VWC2L: variants seen among roughly 807,000 people sequenced by gnomAD.
VWC2L encodes the protein von Willebrand factor C domain containing 2 like, also known as von Willebrand factor C domain-containing protein 2-like.
A neutral mutation model predicts 21.6 loss-of-function variants in VWC2L; 10 were observed. The ratio of observed to expected loss-of-function variants is 0.46; its 90% CI spans 0.29 to 0.78. VWC2L has a LOEUF of 0.78. Ranked by LOEUF, VWC2L falls within the 30% of genes least tolerant of loss-of-function variation. VWC2L has a pLI of 0.10. For missense variants in VWC2L, 209 were observed against 277.1 expected (o/e 0.75, Z 1.74); for synonymous variants, 96 against 94.3 (o/e 1.02, Z -0.10).
At chr2:214,485,574 C>G (rs1052616926) in intron 3 of VWC2L, among the ~76,000 whole-genome samples, 1 of 152,158 alleles carries the variant, frequency 6.6e-6, no homozygotes, top group Non-Finnish European at 1.5e-5. Context: ...TAGCTTAGGG[C>G]CCAGCACACA....
chr2:214,563,980 T>A (rs960166196), intron 3 of VWC2L, among the ~76,000 whole-genome samples: 1 of 152,006 alleles, frequency 6.6e-6, no homozygotes, highest in Admixed American at 6.6e-5. Context: ...GATGAACAAC[T>A]AAAATCAACG....
intron 3 of VWC2L, among the ~76,000 whole-genome samples, chr2:214,562,434 A>G (rs1689991387): frequency 6.6e-6 from 1 of 152,232 alleles, no homozygotes; most frequent in Admixed American, 6.5e-5. Context: ...TGCTATCGTG[A>G]ATAGTGCTGC....
intron 1 of VWC2L, among the ~76,000 whole-genome samples, chr2:214,413,576 T>A (rs550343117): frequency 1.5e-4 from 23 of 152,276 alleles, no homozygotes; most frequent in Middle Eastern, 6.8e-3. Context: ...TCTTTAATTA[T>A]GGGCATAAAT....
At chr2:214,548,711 G>A (rs1367421646) in intron 3 of VWC2L, among the ~76,000 whole-genome samples, 2 of 152,150 alleles carry the variant, frequency 1.3e-5, no homozygotes, top group Non-Finnish European at 2.9e-5. Flanking sequence ...CTCATGTTTA[G>A]GCTAGACCAA....
chr2:214,418,660 T>A (rs913021467), intron 2 of VWC2L, among the ~76,000 whole-genome samples: 9 of 152,198 alleles, frequency 5.9e-5, no homozygotes, highest in Non-Finnish European at 1.3e-4. Context: ...TTTAATACCT[T>A]TTTTGATGAA....
At chr2:214,568,289 GT>G (rs1386304697) in intron 3 of VWC2L, among the ~76,000 whole-genome samples, 2 of 152,026 alleles carry the variant, frequency 1.3e-5, no homozygotes, top group East Asian at 3.8e-4. Flanking sequence ...CTGTTAATTT[GT>G]TTTTGTGCAT....
chr2:214,428,804 C>G (rs1193097581), intron 2 of VWC2L, among the ~76,000 whole-genome samples: 1 of 114,652 alleles, frequency 8.7e-6, no homozygotes, highest in Non-Finnish European at 1.8e-5. Context: ...TCTTTGCACA[C>G]AGACAGTGGC....
At chr2:214,490,701 C>A (rs1413285588) in intron 3 of VWC2L, among the ~76,000 whole-genome samples, 1 of 152,026 alleles carries the variant, frequency 6.6e-6, no homozygotes, top group African/African-American at 2.4e-5. Context: ...GAAAGTAAAC[C>A]TGCAAATAAG....
intron 2 of VWC2L, 153 bp downstream of exon 2, chr2:214,414,736 GTCAACAAATGGCCAAC>G (rs1702329778): frequency 1.2e-6 from 1 of 804,262 alleles, no homozygotes; most frequent in African/African-American, 1.8e-5. Flanking sequence ...TAGCACCATG[GTCAACAAATGGCCAAC>G]TGGTTTGTTG....
chr2:214,489,009 T>G (rs1299605091), intron 3 of VWC2L, among the ~76,000 whole-genome samples: 3 of 152,218 alleles, frequency 2.0e-5, no homozygotes, highest in African/African-American at 7.2e-5. Flanking sequence ...AGCATGAGAT[T>G]TGATGGGGAC....
At chr2:214,467,532 T>A (rs983173089) in intron 3 of VWC2L, among the ~76,000 whole-genome samples, 4 of 152,230 alleles carry the variant, frequency 2.6e-5, no homozygotes, top group Non-Finnish European at 5.9e-5. Flanking sequence ...GTCACTGTCC[T>A]TCATTGCCTG....
chr2:214,506,352 T>C (rs1478247853), intron 3 of VWC2L, among the ~76,000 whole-genome samples: 1 of 152,166 alleles, frequency 6.6e-6, no homozygotes, highest in Non-Finnish European at 1.5e-5. Context: ...TGAACAATGC[T>C]AATGCCTAAT....
intron 2 of VWC2L, among the ~76,000 whole-genome samples, chr2:214,420,066 G>C (rs1467264575): frequency 6.6e-6 from 1 of 151,974 alleles, no homozygotes; most frequent in African/African-American, 2.4e-5. Flanking sequence ...TCCAAAAAAA[G>C]AAATAAGAAA....
chr2:214,476,161 ATCT>A (rs1305131863), intron 3 of VWC2L, among the ~76,000 whole-genome samples: 2 of 152,134 alleles, frequency 1.3e-5, no homozygotes, highest in African/African-American at 2.4e-5. Context: ...ACAGGAAGTA[ATCT>A]TCTGCTCAAT....
At chr2:214,437,096 T>A (rs1192847862) in intron 3 of VWC2L, among the ~76,000 whole-genome samples, 1 of 152,138 alleles carries the variant, frequency 6.6e-6, no homozygotes, top group Admixed American at 6.6e-5. Context: ...AATGAAGCAG[T>A]TCACCCCATT....
intron 2 of VWC2L, among the ~76,000 whole-genome samples, chr2:214,416,208 T>G (rs1702352278): frequency 6.6e-6 from 1 of 152,106 alleles, no homozygotes; most frequent in African/African-American, 2.4e-5. Flanking sequence ...AAATATTGTC[T>G]AACTTAACTC....
chr2:214,481,414 G>A (rs1211210975), intron 3 of VWC2L, among the ~76,000 whole-genome samples: 2 of 152,178 alleles, frequency 1.3e-5, no homozygotes, highest in Non-Finnish European at 2.9e-5. Flanking sequence ...TGGGATCTCA[G>A]ACTCGTGAAT....
At chr2:214,513,038 A>G (rs1007120690) in intron 3 of VWC2L, among the ~76,000 whole-genome samples, 24 of 152,140 alleles carry the variant, frequency 1.6e-4, no homozygotes, top group African/African-American at 5.6e-4. Context: ...AAGGCTGCAC[A>G]GCCCTGTTGA....
intron 3 of VWC2L, among the ~76,000 whole-genome samples, chr2:214,456,201 GTTA>G (rs144095810): frequency 0.13 from 19,561 of 152,034 alleles, 1,525 homozygotes; most frequent in Non-Finnish European, 0.17. Flanking sequence ...ACCAGCATCT[GTTA>G]TTTTTTTGTC....
Sources: gnomAD v4.1 joint callset for allele counts (sites outside exome capture counted in the v4.1 genomes callset) on GRCh38, gnomAD v4.1.1 for gene constraint, MANE v1.5 for transcripts, NCBI Gene and HGNC (gene_info 2026-07-23, HGNC 2026-07-21) for gene names.